The following DDAH1 variants were observed in gnomAD, a reference collection of about 807,000 sequenced individuals.
DDAH1 encodes the protein N(G),N(G)-dimethylarginine dimethylaminohydrolase 1.
Under a neutral mutation model 28.8 loss-of-function variants are expected in DDAH1, and 19 were observed. The ratio of observed to expected loss-of-function variants is 0.66; its 90% confidence interval spans 0.46 to 0.97. The LOEUF is 0.97. DDAH1 is among the 50% of genes least tolerant of loss of function. The pLI is 0.00. For missense variants in DDAH1, 326 were observed against 375.9 expected, an observed-to-expected ratio of 0.87 and a Z score of 1.10; for synonymous variants, 153 against 154.4, an observed-to-expected ratio of 0.99 and a Z score of 0.07.
At chr1:85,340,455 G>A (rs148659091) in intron 4 of DDAH1, among the ~76,000 whole-genome samples, 1 of 152,218 alleles carries the variant, frequency 6.6e-6, no homozygotes, top group East Asian at 1.9e-4. Flanking sequence ...TTGTCCCCAG[G>A]GGCACAGAAC....
chr1:85,450,928 T>C (rs1015117143), intron 1 of DDAH1, among the ~76,000 whole-genome samples: 3 of 152,186 alleles, frequency 2.0e-5, no homozygotes, highest in Admixed American at 2.0e-4. Flanking sequence ...ACTTAGAAGA[T>C]CAGAGGATGA....
At chr1:85,340,764 A>G (rs959948300) in intron 4 of DDAH1, among the ~76,000 whole-genome samples, 2 of 152,154 alleles carry the variant, frequency 1.3e-5, no homozygotes, top group African/African-American at 4.8e-5. Context: ...CTCTGCTAAA[A>G]AAAAAAATCT....
intron 1 of DDAH1, among the ~76,000 whole-genome samples, chr1:85,438,818 C>T (rs1654058913): frequency 6.6e-6 from 1 of 152,074 alleles, no homozygotes; most frequent in African/African-American, 2.4e-5. Context: ...TATACTGATA[C>T]CTAGATACTT....
At chr1:85,337,474 G>A (rs1233101133) in intron 4 of DDAH1, among the ~76,000 whole-genome samples, 1 of 145,616 alleles carries the variant, frequency 6.9e-6, no homozygotes, top group East Asian at 2.0e-4. Context: ...TTTTTTTTGA[G>A]ATGTAGTCTC....
At chr1:85,418,672 G>C (rs1485073205) in intron 1 of DDAH1, among the ~76,000 whole-genome samples, 1 of 152,222 alleles carries the variant, frequency 6.6e-6, no homozygotes, top group Non-Finnish European at 1.5e-5. Flanking sequence ...GGAAAATGTA[G>C]CATCTCTTCG....
intron 4 of DDAH1, among the ~76,000 whole-genome samples, chr1:85,349,651 A>C (rs1406236255): frequency 6.6e-6 from 1 of 152,182 alleles, no homozygotes; most frequent in African/African-American, 2.4e-5. Flanking sequence ...CCATCCCTTC[A>C]TCAGACATTT....
At chr1:85,549,066 T>C (rs1454806498) in intron 1 of DDAH1, among the ~76,000 whole-genome samples, 2 of 152,194 alleles carry the variant, frequency 1.3e-5, no homozygotes, top group African/African-American at 4.8e-5. Flanking sequence ...TGAAACATTT[T>C]TGTATTATGT....
rs1222073828 is a variant in DDAH1, at chr1:85,321,139, A to G, written c.*313T>C. 1.3e-5 allele frequency: 3 copies of G among 229,942 alleles called. No individual in the cohort carries two copies. Among genetic ancestry groups the G allele is most frequent in the Non-Finnish European group, 2.5e-5 (3 of 118,604 alleles). 14.2% of individuals were successfully genotyped at this position (229,942 alleles called of 1,614,324 possible). ...TTCTTCAGAATATACTGGCAACTAA[A>G]TAATTTTCACACCAAAAATACAGAC... On this transcript the variant is annotated 3_prime_UTR_variant, in exon 6 of 6. Coordinates refer to ENST00000284031, the MANE Select transcript of DDAH1 (RefSeq NM_012137.4).
At chr1:85,381,900 G>A (rs1651014916) in intron 1 of DDAH1, among the ~76,000 whole-genome samples, 1 of 152,070 alleles carries the variant, frequency 6.6e-6, no homozygotes, top group African/African-American at 2.4e-5. Flanking sequence ...ATGTGTGTGT[G>A]TTCTGACTAC....
intron 1 of DDAH1, among the ~76,000 whole-genome samples, chr1:85,461,119 A>G (rs1317806042): frequency 6.6e-6 from 1 of 151,516 alleles, no homozygotes; most frequent in Non-Finnish European, 1.5e-5. Context: ...GTCTCTAAAA[A>G]CAAACAAACA....
intron 1 of DDAH1, among the ~76,000 whole-genome samples, chr1:85,430,819 C>G (rs572035984): frequency 4.6e-4 from 70 of 152,266 alleles, no homozygotes; most frequent in Non-Finnish European, 9.1e-4. Flanking sequence ...TCTAAATATA[C>G]AATCATGTCA....
intron 2 of DDAH1, among the ~76,000 whole-genome samples, chr1:85,356,125 G>T (rs1649476119): frequency 6.6e-6 from 1 of 152,172 alleles, no homozygotes; most frequent in African/African-American, 2.4e-5. Context: ...TCAGGAGGTG[G>T]ACACCCAGGT....
chr1:85,448,562 T>G (rs763744606), intron 1 of DDAH1, among the ~76,000 whole-genome samples: 8 of 152,182 alleles, frequency 5.3e-5, no homozygotes, highest in Non-Finnish European at 1.0e-4. Flanking sequence ...TGTCTTAATC[T>G]GAAGAAATGT....
rs1023032621 is a variant in DDAH1, at chr1:85,319,475, T to A, written c.*1977A>T. 7.2e-5 allele frequency: 11 copies of A among 152,216 alleles called. No individual in the cohort carries two copies. The highest frequency in any genetic ancestry group is 2.4e-4 in the African/African-American group (10 of 41,472). The allele number at this position is 152,216 out of a possible 1,614,324, so 9.4% of individuals were successfully genotyped here. On this transcript the variant is annotated 3_prime_UTR_variant, in exon 6 of 6. Transcript: ENST00000284031. ...TGCTGGTAAGCCTAAACTGGCAGAT[T>A]GGGCCATTTTTCCTGTGGTTGTATT...
At chr1:85,346,505 A>G (rs1468553156) in intron 4 of DDAH1, among the ~76,000 whole-genome samples, 1 of 152,188 alleles carries the variant, frequency 6.6e-6, no homozygotes, top group Non-Finnish European at 1.5e-5. Flanking sequence ...AAGAAGATTC[A>G]GTATGGAGTA....
At chr1:85,351,625 C>T (rs955119034) in intron 2 of DDAH1, 46 bp from the exon 3 acceptor site, 1 of 1,367,518 alleles carries the variant, frequency 7.3e-7, no homozygotes, top group African/African-American at 1.4e-5. Flanking sequence ...GCACCAGTGA[C>T]TGTACATCAT....
intron 1 of DDAH1, among the ~76,000 whole-genome samples, chr1:85,384,280 G>T (rs1333382044): frequency 6.6e-6 from 1 of 152,172 alleles, no homozygotes; most frequent in Non-Finnish European, 1.5e-5. Flanking sequence ...AAAGACTCAA[G>T]TAACAATCCT....
chr1:85,344,731 G>A (rs1648736182), intron 4 of DDAH1, among the ~76,000 whole-genome samples: 2 of 152,112 alleles, frequency 1.3e-5, no homozygotes, highest in Non-Finnish European at 2.9e-5. Flanking sequence ...ATTACTATCT[G>A]TCCTCCTGTG....
chr1:85,386,907 A>C lies in DDAH1; in HGVS notation c.304-28060T>G, dbSNP rs111775249. ...ACTTAACACCATATGGAAATTACCA[A>C]GGCTTATTAAGGCTTATACCCTCCA... On this transcript the variant is annotated intron_variant, in intron 1 of 5. Coordinates refer to ENST00000284031, the MANE Select transcript of DDAH1 (RefSeq NM_012137.4). Among the ~76,000 whole-genome samples, 1,061 of 152,284 alleles carry C rather than the reference A, an allele frequency of 7.0e-3. 12 individuals are homozygous for C. The highest frequency in any genetic ancestry group is 0.024 in the African/African-American group (1,011 of 41,540).
Sources: allele counts gnomAD v4.1 joint callset (sites outside exome capture counted in the v4.1 genomes callset), GRCh38; gene constraint gnomAD v4.1.1; transcripts MANE v1.5; gene names NCBI Gene and HGNC (gene_info 2026-07-23, HGNC 2026-07-21).